Variants in SEPSECS observed in about 807,000 individuals in gnomAD.
SEPSECS encodes the protein O-phosphoseryl-tRNA(Sec) selenium transferase.
In SEPSECS, 42 loss-of-function variants were observed where a neutral mutation model predicts 52.1. The observed-to-expected ratio is 0.81, with a 90% CI of 0.63 to 1.04. The LOEUF (loss-of-function observed/expected upper bound fraction) is 1.04. Among genes scored for constraint, SEPSECS ranks in the 50% least tolerant of loss-of-function variants. The pLI is 0.00. For missense variants in SEPSECS, 590 were observed against 610.6 expected (o/e 0.97, Z 0.36); for synonymous variants, 216 against 211.4 (o/e 1.02, Z -0.19).
intron 8 of SEPSECS, among the ~76,000 whole-genome samples, chr4:25,138,730 A>C (rs1175281876): frequency 6.6e-6 from 1 of 152,126 alleles, no homozygotes; most frequent in African/African-American, 2.4e-5. Context: ...TTCCTCTCCA[A>C]GTTTCTGTTA....
intron 6 of SEPSECS, among the ~76,000 whole-genome samples, chr4:25,147,130 A>ATC (rs1712008066): frequency 6.6e-6 from 1 of 152,134 alleles, no homozygotes; most frequent in Non-Finnish European, 1.5e-5. Context: ...TCTGACTGGA[A>ATC]TCTCTCTCTC....
intron 8 of SEPSECS, among the ~76,000 whole-genome samples, chr4:25,132,001 G>C (rs914978978): frequency 4.6e-5 from 7 of 151,984 alleles, no homozygotes; most frequent in African/African-American, 1.7e-4. Context: ...TTTTTAAAAG[G>C]GGTTAAATTC....
At chr4:25,155,281 G>A in intron 4 of SEPSECS, 130 bp from the exon 5 acceptor site, 1 of 994,118 alleles carries the variant, frequency 1.0e-6, no homozygotes, top group Non-Finnish European at 1.5e-6. Flanking sequence ...CCTTCCTCTG[G>A]TAATAAATAC....
intron 8 of SEPSECS, among the ~76,000 whole-genome samples, chr4:25,141,774 C>T (rs970672217): frequency 1.3e-5 from 2 of 152,122 alleles, no homozygotes; most frequent in African/African-American, 4.8e-5. Context: ...CTAGAAGGCC[C>T]CACGTGATCA....
intron 8 of SEPSECS, among the ~76,000 whole-genome samples, chr4:25,137,085 A>T (rs931065113): frequency 6.6e-6 from 1 of 152,172 alleles, no homozygotes; most frequent in Non-Finnish European, 1.5e-5. Context: ...TAAAGACTTA[A>T]ATGTAAACCC....
intron 8 of SEPSECS, among the ~76,000 whole-genome samples, chr4:25,133,699 T>C (rs1298003982): frequency 6.6e-6 from 1 of 152,222 alleles, no homozygotes; most frequent in African/African-American, 2.4e-5. Context: ...GGAAGTACAA[T>C]GCCTGTTATA....
Position 25,151,826 on chromosome 4 carries a change from G to A in SEPSECS, c.804+134C>T, listed in dbSNP as rs189875957. On this transcript the variant is annotated intron_variant, in intron 6 of 10. Transcript: ENST00000382103. ...TTTATTGAGAGATTATCAGATGTAA[G>A]TTCCTAACACAACCTGAAGCAGATG... 2.8e-4 allele frequency: 183 copies of A among 664,260 alleles called. No homozygotes were observed. The African/African-American group carries it at 2.9e-3, about 10-fold the overall frequency. The allele number at this position is 664,260 out of a possible 1,614,324, so 41.1% of individuals were successfully genotyped here. A position where few individuals can be genotyped will look rare whatever the true frequency, so the allele number is the denominator to read the frequency against.
intron 8 of SEPSECS, among the ~76,000 whole-genome samples, chr4:25,142,961 C>T (rs971677528): frequency 3.9e-5 from 6 of 152,254 alleles, no homozygotes; most frequent in East Asian, 3.9e-4. Flanking sequence ...TTTTCCAGGA[C>T]GAAACGACTA....
chr4:25,139,272 T>C (rs2109016160), intron 8 of SEPSECS, among the ~76,000 whole-genome samples: 1 of 152,300 alleles, frequency 6.6e-6, no homozygotes, highest in East Asian at 1.9e-4. Context: ...CATAAATATT[T>C]GTTTGAATGA....
At chr4:25,130,416 G>A (rs1006361097) in intron 8 of SEPSECS, among the ~76,000 whole-genome samples, 1 of 152,260 alleles carries the variant, frequency 6.6e-6, no homozygotes. Flanking sequence ...TAACAAATTA[G>A]TTTTTACCAG....
At position 25,144,244 on chromosome 4, in the gene SEPSECS, G is replaced by A. The variant is rs890466465; in HGVS notation, c.1026+530C>T. On this transcript the variant is annotated intron_variant, in intron 8 of 10. Transcript: ENST00000382103. ...AATCCCAGCTACTCGGGAGGCTGAG[G>A]CAGAAGAATGGTTTGAACCTGGGAG... Among the ~76,000 whole-genome samples, 10 of 150,282 alleles carry A rather than the reference G, an allele frequency of 6.7e-5. No homozygotes were observed. In the South Asian group the frequency reaches 8.4e-4, roughly 13 times the overall value.
chr4:25,139,727 G>T (rs139758145), intron 8 of SEPSECS, among the ~76,000 whole-genome samples: 1 of 152,126 alleles, frequency 6.6e-6, no homozygotes, highest in Non-Finnish European at 1.5e-5. Flanking sequence ...AACAGGAGAA[G>T]TGTGAATAAA....
intron 6 of SEPSECS, among the ~76,000 whole-genome samples, chr4:25,150,435 A>C (rs1712230987): frequency 6.6e-6 from 1 of 152,260 alleles, no homozygotes; most frequent in African/African-American, 2.4e-5. Flanking sequence ...GCAGTGAACA[A>C]AACAAAGTTC....
In SEPSECS at chr4:25,160,238, G is replaced by A. The variant is rs902288795; in HGVS notation, c.114+18C>T. Reference sequence around the variant, plus strand: ...CCCGGGGTCGCGGCGGCTGGGGAGGGGACCGACAGCTCGGTACCTTCTCCA... The same window carrying A: ...CCCGGGGTCGCGGCGGCTGGGGAGGAGACCGACAGCTCGGTACCTTCTCCA... On this transcript the variant is annotated intron_variant, in intron 1 of 10. Coordinates refer to ENST00000382103, the MANE Select transcript of SEPSECS (RefSeq NM_016955.4). 4 of 1,550,620 alleles carry A rather than the reference G, an allele frequency of 2.6e-6. No homozygotes were observed. Among genetic ancestry groups the A allele is most frequent in the African/African-American group, 2.7e-5 (2 of 73,170 alleles).
intron 8 of SEPSECS, among the ~76,000 whole-genome samples, chr4:25,127,810 T>C (rs1407795394): frequency 6.6e-6 from 1 of 152,166 alleles, no homozygotes; most frequent in Non-Finnish European, 1.5e-5. Flanking sequence ...CAGTAACTAT[T>C]AGAAAACCAC....
At chr4:25,155,569 CAG>C in intron 4 of SEPSECS, among the ~76,000 whole-genome samples, 1 of 152,280 alleles carries the variant, frequency 6.6e-6, no homozygotes, top group South Asian at 2.1e-4. Context: ...CATTTTATTT[CAG>C]AGATGGACAT....
intron 8 of SEPSECS, among the ~76,000 whole-genome samples, chr4:25,128,381 C>T (rs1728469744): frequency 2.0e-5 from 3 of 151,852 alleles, no homozygotes; most frequent in African/African-American, 7.3e-5. Flanking sequence ...ACAGCAACTC[C>T]CATAGTCCAA....
At chr4:25,124,362 A>G (rs2109479910) in intron 10 of SEPSECS, 137 bp from the exon 11 acceptor site, 1 of 744,700 alleles carries the variant, frequency 1.3e-6, no homozygotes. Flanking sequence ...CATGGCCTAC[A>G]AAAATAGACT....
At chr4:25,136,108 G>A (rs1728831039) in intron 8 of SEPSECS, among the ~76,000 whole-genome samples, 1 of 152,062 alleles carries the variant, frequency 6.6e-6, no homozygotes, top group Non-Finnish European at 1.5e-5. Flanking sequence ...TACTGAATGG[G>A]CAAAAGCTGG....
Sources: allele counts gnomAD v4.1 joint callset (sites outside exome capture counted in the v4.1 genomes callset), GRCh38; gene constraint gnomAD v4.1.1; transcripts MANE v1.5; gene names NCBI Gene and HGNC (gene_info 2026-07-23, HGNC 2026-07-21).